SLC4A10: variants seen among roughly 807,000 people sequenced by gnomAD.
SLC4A10 encodes solute carrier family 4 member 10.
In SLC4A10, 42 loss-of-function variants were observed where a neutral mutation model predicts 137.7. The ratio of observed to expected loss-of-function variants is 0.30; its 90% CI spans 0.24 to 0.39. SLC4A10 has a LOEUF of 0.39. Ranked by LOEUF, SLC4A10 falls within the 10% of genes least tolerant of loss-of-function variation. The pLI, the probability that SLC4A10 is intolerant of heterozygous loss-of-function variation, is 1.00. For synonymous variants in SLC4A10, 474 were observed against 464.1 expected (o/e 1.02, Z -0.27); for missense variants, 925 against 1,355.0 (o/e 0.68, Z 4.98).
intron 2 of SLC4A10, among the ~76,000 whole-genome samples, chr2:161,789,401 T>C (rs944266749): frequency 3.9e-5 from 6 of 152,142 alleles, no homozygotes; most frequent in Non-Finnish European, 8.8e-5. Context: ...TTTCTTCCCA[T>C]GGGCTCTCTG....
Position 161,862,986 on chromosome 2 carries a change from C to T in SLC4A10, c.690C>T (p.Thr230=), listed in dbSNP as rs774106568. The change falls in exon 6 of 27, where the codon ACC becomes ACT. Residue 230 remains threonine, a synonymous_variant. Coordinates refer to ENST00000446997, the MANE Select transcript of SLC4A10 (RefSeq NM_001178015.2). Reference sequence around the variant, plus strand: ...ATCATCAGAATCAGAAAAAACTCACCAACAGGATTCCCATTGTTCGTTCCT... The same window carrying T: ...ATCATCAGAATCAGAAAAAACTCACTAACAGGATTCCCATTGTTCGTTCCT... ...QHHHQNQKKL[T]NRIPIVRSFA... 8 of 1,613,778 alleles carry T rather than the reference C, an allele frequency of 5.0e-6. No individual in the cohort carries two copies. The South Asian group carries it at 8.8e-5, about 18-fold the overall frequency.
intron 2 of SLC4A10, among the ~76,000 whole-genome samples, chr2:161,773,580 T>G (rs1375621564): frequency 6.6e-6 from 1 of 151,906 alleles, no homozygotes; most frequent in Non-Finnish European, 1.5e-5. Context: ...GAGTTATGTG[T>G]ATATATTTAT....
chr2:161,947,478 C>T (rs928030620), intron 16 of SLC4A10, 88 bp from the exon 17 acceptor site: 1 of 1,357,512 alleles, frequency 7.4e-7, no homozygotes. Flanking sequence ...AGCATCTGAA[C>T]TACAATTGAT....
chr2:161,630,745 A>T (rs1022741539), intron 1 of SLC4A10, among the ~76,000 whole-genome samples: 1 of 151,768 alleles, frequency 6.6e-6, no homozygotes, highest in Non-Finnish European at 1.5e-5. Context: ...TCTCAGGCTC[A>T]TGATAGGTAC....
chr2:161,833,752 A>G (rs988170177), intron 3 of SLC4A10, among the ~76,000 whole-genome samples: 7 of 152,218 alleles, frequency 4.6e-5, no homozygotes, highest in Admixed American at 2.6e-4. Context: ...CCAAAGCCAT[A>G]CAACAATTGG....
chr2:161,853,710 T>C (rs1389364762), intron 4 of SLC4A10, among the ~76,000 whole-genome samples: 1 of 152,208 alleles, frequency 6.6e-6, no homozygotes, highest in East Asian at 1.9e-4. Context: ...GTTGGTGATT[T>C]GTGGCTTAAA....
intron 1 of SLC4A10, among the ~76,000 whole-genome samples, chr2:161,704,346 A>T (rs1559069729): frequency 6.6e-6 from 1 of 151,728 alleles, no homozygotes; most frequent in African/African-American, 2.4e-5. Context: ...GCACAGAAGG[A>T]ATGATTTTTT....
chr2:161,958,916 T>C (rs1696134733), intron 21 of SLC4A10, among the ~76,000 whole-genome samples: 1 of 152,188 alleles, frequency 6.6e-6, no homozygotes, highest in Non-Finnish European at 1.5e-5. Flanking sequence ...AAAGTCTTTA[T>C]GCACGAAGAT....
chr2:161,933,179 C>CTTGTT (rs1381155695), intron 15 of SLC4A10, among the ~76,000 whole-genome samples: 1 of 118,632 alleles, frequency 8.4e-6, no homozygotes, highest in Non-Finnish European at 1.8e-5. Context: ...TTTCCCCTTC[C>CTTGTT]TTCTTTTCTT....
intron 10 of SLC4A10, among the ~76,000 whole-genome samples, chr2:161,889,094 T>G (rs1326651159): frequency 6.6e-6 from 1 of 152,192 alleles, no homozygotes; most frequent in African/African-American, 2.4e-5. Context: ...ACTTATTGAT[T>G]TCTGTAAGTT....
intron 1 of SLC4A10, among the ~76,000 whole-genome samples, chr2:161,682,553 AT>A (rs2040975415): frequency 6.6e-6 from 1 of 152,068 alleles, no homozygotes; most frequent in African/African-American, 2.4e-5. Flanking sequence ...TTGTTTATCT[AT>A]TGCTGTATGA....
chr2:161,927,758 A>G (rs939649901), intron 15 of SLC4A10, among the ~76,000 whole-genome samples: 3 of 152,216 alleles, frequency 2.0e-5, no homozygotes, highest in African/African-American at 7.2e-5. Context: ...ACAGCCAAAA[A>G]ACACATGAAA....
intron 2 of SLC4A10, among the ~76,000 whole-genome samples, chr2:161,784,515 A>G (rs1052513373): frequency 6.6e-6 from 1 of 151,912 alleles, no homozygotes; most frequent in African/African-American, 2.4e-5. Context: ...GTATGTTTTA[A>G]AAATTTAAAG....
At chr2:161,781,837 A>G (rs1269888904) in intron 2 of SLC4A10, among the ~76,000 whole-genome samples, 1 of 152,094 alleles carries the variant, frequency 6.6e-6, no homozygotes, top group Admixed American at 6.6e-5. Flanking sequence ...AATCAGATCC[A>G]TCGAAGCTGG....
chr2:161,905,356 G>C (rs1684107093), intron 14 of SLC4A10, among the ~76,000 whole-genome samples: 2 of 152,260 alleles, frequency 1.3e-5, no homozygotes, highest in East Asian at 1.9e-4. Flanking sequence ...TAGGGCTTGT[G>C]CTCCTATGAG....
At chr2:161,722,896 C>A (rs1438171989) in intron 1 of SLC4A10, among the ~76,000 whole-genome samples, 1 of 152,188 alleles carries the variant, frequency 6.6e-6, no homozygotes, top group Non-Finnish European at 1.5e-5. Context: ...CACAGGGATG[C>A]CCTGCCTGGT....
chr2:161,687,974 G>A (rs1322945437), intron 1 of SLC4A10, among the ~76,000 whole-genome samples: 1 of 152,118 alleles, frequency 6.6e-6, no homozygotes, highest in South Asian at 2.1e-4. Flanking sequence ...TGTAAGAATG[G>A]ACTAATACAA....
In SLC4A10 at chr2:161,901,006, TG is replaced by T; in HGVS notation, c.1439del (p.Gly480GlufsTer9). The T allele has an allele frequency of 6.4e-7, 1 of 1,560,602 alleles. No individual in the cohort carries two copies. On this transcript the variant is annotated frameshift_variant, in exon 12 of 27. Transcript: ENST00000446997. LOFTEE classifies it high-confidence loss of function. ...ATAGTGGACCTGAACTCCAGCGAAC[TG>T]GAAGGTTAGTGAAAATCACTTCTAT... The part of the protein sequence containing the change: ...GHSGPELQRT[G>X]RIFGGLILDI...
At position 161,947,792 on chromosome 2, in the gene SLC4A10, T is replaced by C. The variant is rs1694091470; in HGVS notation, c.2265+65T>C. On this transcript the variant is annotated intron_variant, in intron 17 of 26. Coordinates refer to ENST00000446997, the MANE Select transcript of SLC4A10 (RefSeq NM_001178015.2). ...AGGACAAAAGAAAGAGTAATTGATG[T>C]AATAAAAGGAGCCACTGAAAGGCTT... 6 of 1,523,854 alleles carry C rather than the reference T, an allele frequency of 3.9e-6. 1 individual carries two copies. In the East Asian group the frequency reaches 1.4e-4, roughly 35 times the overall value. 94.4% of individuals were successfully genotyped at this position (1,523,854 alleles called of 1,614,324 possible).
Sources: allele counts gnomAD v4.1 joint callset (sites outside exome capture counted in the v4.1 genomes callset), GRCh38; gene constraint gnomAD v4.1.1; transcripts MANE v1.5; gene names NCBI Gene and HGNC (gene_info 2026-07-23, HGNC 2026-07-21).